SOBP: variants seen among roughly 807,000 people sequenced by gnomAD.
The protein encoded by SOBP is sine oculis-binding protein homolog.
A neutral mutation model predicts 53.6 loss-of-function variants in SOBP; 4 were observed. The ratio of observed to expected loss-of-function variants is 0.07; its 90% CI spans 0.04 to 0.17. The LOEUF is 0.17. Among genes scored for constraint, SOBP ranks in the 10% least tolerant of loss-of-function variants. The pLI is 1.00. For synonymous variants in SOBP, 584 were observed against 522.6 expected (o/e 1.12, Z -1.60); for missense variants, 1,088 against 1,204.7 (o/e 0.90, Z 1.43).
At chr6:107,562,072 C>T (rs1784788700) in intron 4 of SOBP, among the ~76,000 whole-genome samples, 1 of 150,184 alleles carries the variant, frequency 6.7e-6, no homozygotes, top group Non-Finnish European at 1.5e-5. Context: ...ACTTTGTCGC[C>T]CAGGCTGGAG....
intron 5 of SOBP, among the ~76,000 whole-genome samples, chr6:107,609,700 T>C (rs1176486356): frequency 1.3e-5 from 2 of 152,084 alleles, no homozygotes; most frequent in African/African-American, 4.8e-5. Context: ...CTAGCTCCGT[T>C]ATGCATAAGG....
At position 107,506,136 on chromosome 6, in the gene SOBP, A is replaced by T. The variant is rs1782984941; in HGVS notation, c.236-106A>T. On this transcript the variant is annotated intron_variant, in intron 2 of 6. Coordinates refer to ENST00000317357, the MANE Select transcript of SOBP (RefSeq NM_018013.4). ...ACATTGTTTAAAGATTTGCAAGAAA[A>T]AATATGTTGGGTTCATGGCCATTTT... 3.1e-6 allele frequency: 3 copies of T among 967,910 alleles called. No homozygotes were observed. The East Asian group carries it at 7.5e-5, about 24-fold the overall frequency. The allele number at this position is 967,910 out of a possible 1,614,324, so 60.0% of individuals were successfully genotyped here.
intron 5 of SOBP, among the ~76,000 whole-genome samples, chr6:107,591,981 T>G (rs926144560): frequency 4.1e-5 from 6 of 145,234 alleles, no homozygotes; most frequent in African/African-American, 5.4e-5. Flanking sequence ...TTTTTTTTTT[T>G]TTTTTTTTTT....
intron 4 of SOBP, among the ~76,000 whole-genome samples, chr6:107,536,074 G>A (rs1453480371): frequency 3.3e-5 from 5 of 151,944 alleles, no homozygotes; most frequent in Admixed American, 3.3e-4. Flanking sequence ...TTGAGAAGTG[G>A]ATAGAAAACA....
At chr6:107,523,130 A>G (rs564492765) in intron 3 of SOBP, among the ~76,000 whole-genome samples, 1 of 152,316 alleles carries the variant, frequency 6.6e-6, no homozygotes, top group South Asian at 2.1e-4. Flanking sequence ...CGTATTATGG[A>G]TGATAACTGG....
intron 4 of SOBP, among the ~76,000 whole-genome samples, chr6:107,536,347 A>G (rs6904503): frequency 6.6e-6 from 1 of 152,214 alleles, no homozygotes; most frequent in East Asian, 1.9e-4. Flanking sequence ...CAACACCTGC[A>G]TTTGTGAATG....
chr6:107,615,981 C>T (rs1433859828), intron 5 of SOBP, among the ~76,000 whole-genome samples: 5 of 149,930 alleles, frequency 3.3e-5, no homozygotes, highest in Non-Finnish European at 5.9e-5. Context: ...AGGATCATAC[C>T]ACTGCACTCC....
intron 4 of SOBP, among the ~76,000 whole-genome samples, chr6:107,569,700 A>C (rs1305950427): frequency 6.6e-6 from 1 of 152,238 alleles, no homozygotes; most frequent in East Asian, 1.9e-4. Context: ...TACAGTATGC[A>C]TTCAACTGAT....
chr6:107,631,645 CTA>C (rs1404263352), intron 5 of SOBP, among the ~76,000 whole-genome samples: 2 of 152,150 alleles, frequency 1.3e-5, no homozygotes, highest in Non-Finnish European at 2.9e-5. Context: ...ACATGAAACA[CTA>C]TAGCGAAACA....
chr6:107,621,270 T>G (rs533156798), intron 5 of SOBP: 1 of 195,654 alleles, frequency 5.1e-6, no homozygotes, highest in East Asian at 1.9e-4. Flanking sequence ...GGAGATTCAG[T>G]TGGGCGAACC....
intron 5 of SOBP, among the ~76,000 whole-genome samples, chr6:107,617,683 G>T (rs1217762699): frequency 6.6e-6 from 1 of 152,166 alleles, no homozygotes; most frequent in Non-Finnish European, 1.5e-5. Flanking sequence ...TCTCACTGGT[G>T]TTCAGCAAAG....
At chr6:107,638,928 A>G (rs1268142893) in intron 6 of SOBP, among the ~76,000 whole-genome samples, 1 of 151,658 alleles carries the variant, frequency 6.6e-6, no homozygotes, top group Non-Finnish European at 1.5e-5. Context: ...TTTTTGAGAC[A>G]GTCTTGGTCT....
chr6:107,624,644 T>C (rs1406399308), intron 5 of SOBP, among the ~76,000 whole-genome samples: 1 of 152,170 alleles, frequency 6.6e-6, no homozygotes, highest in African/African-American at 2.4e-5. Flanking sequence ...ATTACAACCC[T>C]CTTTAGCAAG....
At chr6:107,639,357 A>T (rs996267158) in intron 6 of SOBP, among the ~76,000 whole-genome samples, 5 of 152,126 alleles carry the variant, frequency 3.3e-5, no homozygotes, top group African/African-American at 1.2e-4. Context: ...TTTGGAAATT[A>T]TTCTGTTCCT....
At chr6:107,623,890 A>G (rs1242198538) in intron 5 of SOBP, among the ~76,000 whole-genome samples, 2 of 152,184 alleles carry the variant, frequency 1.3e-5, no homozygotes, top group Non-Finnish European at 1.5e-5. Context: ...GGGCTTCACT[A>G]TTTGTAGGCT....
At chr6:107,554,638 A>G (rs572108864) in intron 4 of SOBP, among the ~76,000 whole-genome samples, 18 of 152,290 alleles carry the variant, frequency 1.2e-4, no homozygotes, top group South Asian at 1.0e-3. Flanking sequence ...GGAGCCACCA[A>G]TCTGCAGAAG....
intron 3 of SOBP, among the ~76,000 whole-genome samples, chr6:107,507,037 A>G (rs546644448): frequency 2.6e-5 from 4 of 151,566 alleles, no homozygotes; most frequent in South Asian, 2.1e-4. Context: ...CTGCACTCCA[A>G]CCTGGGCAAC....
At chr6:107,503,632 G>A (rs1228849257) in intron 1 of SOBP, 25 bp from the exon 2 acceptor site, 2 of 1,613,140 alleles carry the variant, frequency 1.2e-6, no homozygotes, top group South Asian at 2.2e-5. Flanking sequence ...ATAGAAATAA[G>A]TAGTAGCCTA....
chr6:107,640,641 G>T (rs1484170504), intron 6 of SOBP, among the ~76,000 whole-genome samples: 1 of 152,190 alleles, frequency 6.6e-6, no homozygotes, highest in Admixed American at 6.5e-5. Context: ...ATGCTGCTGG[G>T]ACCATGTTAA....
Sources: gnomAD v4.1 joint callset for allele counts (sites outside exome capture counted in the v4.1 genomes callset) on GRCh38, gnomAD v4.1.1 for gene constraint, MANE v1.5 for transcripts, NCBI Gene and HGNC (gene_info 2026-07-23, HGNC 2026-07-21) for gene names.